DRAXIN: variants seen among roughly 807,000 people sequenced by gnomAD.
DRAXIN encodes the protein dorsal repulsive axon guidance protein.
Under a neutral mutation model 33.9 loss-of-function variants are expected in DRAXIN, and 27 were observed. The ratio of observed to expected loss-of-function variants is 0.80; its 90% CI spans 0.59 to 1.10. The LOEUF is 1.10. Among genes scored for constraint, DRAXIN ranks in the 50% least tolerant of loss-of-function variants. The pLI is 0.00. For synonymous variants in DRAXIN, 178 were observed against 194.0 expected, an observed-to-expected ratio of 0.92 and a Z score of 0.69; for missense variants, 371 against 460.8, an observed-to-expected ratio of 0.81 and a Z score of 1.78.
chr1:11,694,765 C>T lies in DRAXIN; in HGVS notation c.-11+2912C>T, dbSNP rs1371062378. 1.3e-5 allele frequency among the ~76,000 whole-genome samples: 2 copies of T among 152,148 alleles called. No homozygotes were observed. The highest frequency in any genetic ancestry group is 2.9e-5 in the Non-Finnish European group (2 of 68,028). Reference sequence around the variant, plus strand: ...CCAGCCTTCCTTCTCAGGGGTGAGTCGCTGTGGCCAGTGGTCCCCAAGAAG... The same window carrying T: ...CCAGCCTTCCTTCTCAGGGGTGAGTTGCTGTGGCCAGTGGTCCCCAAGAAG... On this transcript the variant is annotated intron_variant, in intron 1 of 6. Coordinates refer to ENST00000294485, the MANE Select transcript of DRAXIN (RefSeq NM_198545.4). This position sits in a 1 kb window ranked among gnomAD's most constrained non-coding sequence, Gnocchi z 4.9.
chr1:11,717,576 C>G (rs1641595671), intron 6 of DRAXIN, among the ~76,000 whole-genome samples: 1 of 150,168 alleles, frequency 6.7e-6, no homozygotes. Context: ...GCAGGAGAAT[C>G]TCTTGAAACC....
At chr1:11,715,848 C>G (rs1269080134) in intron 6 of DRAXIN, among the ~76,000 whole-genome samples, 1 of 152,190 alleles carries the variant, frequency 6.6e-6, no homozygotes. Context: ...ACTTACACAG[C>G]CAGGAAAGTG....
At chr1:11,701,690 G>A (rs1641276115) in intron 1 of DRAXIN, among the ~76,000 whole-genome samples, 1 of 152,180 alleles carries the variant, frequency 6.6e-6, no homozygotes, top group African/African-American at 2.4e-5. Flanking sequence ...GGCCAGAAGC[G>A]CAGGCTTTGT....
In DRAXIN at chr1:11,692,367, C is replaced by T. The variant is rs1246159975; in HGVS notation, c.-11+514C>T. ...CGTGCCCTCCAGCCCCTTTCGAGGC[C>T]GCCCAGGAGGCTGGGGTGTGTGGCC... is the stretch of plus-strand genomic sequence containing the variant. On this transcript the variant is annotated intron_variant, in intron 1 of 6. Transcript: ENST00000294485. The surrounding 1 kb of genome is among the most constrained non-coding windows in gnomAD (Gnocchi z 5.8). Among the ~76,000 whole-genome samples, 1 of 152,194 alleles carries T rather than the reference C, an allele frequency of 6.6e-6. No individual in the cohort carries two copies. The highest frequency in any genetic ancestry group is 2.4e-5 in the African/African-American group (1 of 41,450).
chr1:11,695,311 G>A (rs1641173580), intron 1 of DRAXIN, among the ~76,000 whole-genome samples: 1 of 152,126 alleles, frequency 6.6e-6, no homozygotes, highest in African/African-American at 2.4e-5. Flanking sequence ...AGGTGCAGTG[G>A]CTTATGCCTA....
At chr1:11,708,856 C>T (rs1455495119) in intron 2 of DRAXIN, among the ~76,000 whole-genome samples, 5 of 152,208 alleles carry the variant, frequency 3.3e-5, no homozygotes, top group Admixed American at 2.0e-4. Flanking sequence ...ATTCCCACCT[C>T]CCAGCTTCCT....
chr1:11,699,804 G>A (rs1446505283), intron 1 of DRAXIN, among the ~76,000 whole-genome samples: 4 of 151,966 alleles, frequency 2.6e-5, no homozygotes, highest in African/African-American at 4.8e-5. Context: ...GTGCGTGCCT[G>A]TAATCCCAGC....
Position 11,722,213 on chromosome 1 carries a change from T to G in DRAXIN, c.*2517T>G, listed in dbSNP as rs1464118048. The G allele has an allele frequency of 6.6e-6, 1 of 152,132 alleles. No individual in the cohort carries two copies. The highest frequency in any genetic ancestry group is 1.5e-5 in the Non-Finnish European group (1 of 68,044). 9.4% of individuals were successfully genotyped at this position (152,132 alleles called of 1,614,324 possible). ...CACACATGCTGTGTGTGCCTCACAT[T>G]AAGTGGTGACTCGGGACTGTGCTGG... On this transcript the variant is annotated 3_prime_UTR_variant, in exon 7 of 7. Transcript: ENST00000294485.
rs1164406479 is a variant in DRAXIN at position 11,696,981 on chromosome 1, A to T, written c.-11+5128A>T. Among the ~76,000 whole-genome samples, 1 of 151,474 alleles carries T rather than the reference A, an allele frequency of 6.6e-6. No individual in the cohort carries two copies. Among genetic ancestry groups the T allele is most frequent in the Non-Finnish European group, 1.5e-5 (1 of 67,904 alleles). ...AGCCCGTGAGGCAGAAGTTGCAGTG[A>T]GCCGAGATCGTGCCATTGCACTCCA... is the stretch of plus-strand genomic sequence containing the variant. On this transcript the variant is annotated intron_variant, in intron 1 of 6. Coordinates refer to ENST00000294485, the MANE Select transcript of DRAXIN (RefSeq NM_198545.4). The surrounding 1 kb of genome is among the most constrained non-coding windows in gnomAD (Gnocchi z 4.7).
upstream of DRAXIN, among the ~76,000 whole-genome samples, chr1:11,688,632 A>G (rs1009993077): frequency 1.3e-5 from 2 of 152,020 alleles, no homozygotes; most frequent in African/African-American, 4.8e-5. This position sits in a 1 kb window ranked among gnomAD's most constrained non-coding sequence, Gnocchi z 4.6. Flanking sequence ...TGCTCTGCTC[A>G]TGGTCCCTCT....
the DRAXIN span, among the ~76,000 whole-genome samples, chr1:11,686,668 G>A: frequency 6.6e-6 from 1 of 152,150 alleles, no homozygotes; most frequent in African/African-American, 2.4e-5. Flanking sequence ...CTGCCAAAGT[G>A]TTGGGATTAC....
chr1:11,709,174 C>T, intron 2 of DRAXIN, 101 bp from the exon 3 acceptor site: 1 of 1,255,442 alleles, frequency 8.0e-7, no homozygotes, highest in Non-Finnish European at 1.1e-6. Flanking sequence ...CACACAGTGC[C>T]TGCTGCCTCC....
At chr1:11,716,700 T>C (rs1229818706) in intron 6 of DRAXIN, among the ~76,000 whole-genome samples, 1 of 152,122 alleles carries the variant, frequency 6.6e-6, no homozygotes, top group Non-Finnish European at 1.5e-5. Flanking sequence ...TGAGACAGGG[T>C]TTCACTCTGT....
chr1:11,706,330 G>A lies in DRAXIN; in HGVS notation c.72G>A (p.Leu24=). 6.2e-7 allele frequency: 1 copy of A among 1,613,800 alleles called. No individual in the cohort carries two copies. Among genetic ancestry groups the A allele is most frequent in the South Asian group, 1.1e-5 (1 of 91,060 alleles). The change falls in exon 2 of 7, where the codon CTG becomes CTA. Residue 24 remains leucine (L), a synonymous_variant. Transcript: ENST00000294485. The surrounding 1 kb of genome is among the most constrained non-coding windows in gnomAD (Gnocchi z 5.5). ...TCCTGCTGCCCCTGGAGCTGAGCCT[G>A]GCAGGCGCCCTTGCACCTGGGACCC... ...LVLLLPLELS[L]AGALAPGTPA... is the part of the protein sequence containing the mutation.
At chr1:11,718,315 C>CAAAA (rs759545157) in intron 6 of DRAXIN, among the ~76,000 whole-genome samples, 3 of 93,906 alleles carry the variant, frequency 3.2e-5, no homozygotes, top group East Asian at 2.8e-4. Flanking sequence ...AACTCCATCT[C>CAAAA]AAAAAAAAAA....
chr1:11,695,981 G>A (rs1054057404), intron 1 of DRAXIN, among the ~76,000 whole-genome samples: 1 of 152,148 alleles, frequency 6.6e-6, no homozygotes, highest in Admixed American at 6.5e-5. Context: ...AAATCCCAAG[G>A]CTGCTGTCGG....
At chr1:11,687,669 C>A (rs1294764425), upstream of DRAXIN, among the ~76,000 whole-genome samples, 1 of 152,238 alleles carries the variant, frequency 6.6e-6, no homozygotes, top group African/African-American at 2.4e-5. This position sits in a 1 kb window ranked among gnomAD's most constrained non-coding sequence, Gnocchi z 4.1. Context: ...AGCCACTGCG[C>A]CTGACCTGGA....
At chr1:11,691,214 T>G (rs575907366), upstream of DRAXIN, among the ~76,000 whole-genome samples, 1 of 152,144 alleles carries the variant, frequency 6.6e-6, no homozygotes. Context: ...ATAATCCTTT[T>G]GTGGCCCCGG....
At chr1:11,698,904 T>G (rs928596416) in intron 1 of DRAXIN, among the ~76,000 whole-genome samples, 2 of 152,134 alleles carry the variant, frequency 1.3e-5, no homozygotes, top group Non-Finnish European at 2.9e-5. Context: ...TACAGAGACA[T>G]AAAACCTGAG....
Sources: gnomAD v4.1 joint callset for allele counts (sites outside exome capture counted in the v4.1 genomes callset) on GRCh38, gnomAD v4.1.1 for gene constraint, Gnocchi (gnomAD v3.1) non-coding constraint, MANE v1.5 for transcripts, NCBI Gene and HGNC (gene_info 2026-07-23, HGNC 2026-07-21) for gene names.